UPF3A: variants seen among roughly 807,000 people sequenced by gnomAD.
UPF3A encodes the protein UPF3A regulator of nonsense mediated mRNA decay.
In UPF3A, 42 loss-of-function variants were observed where a neutral mutation model predicts 53.5. That is an observed-to-expected ratio of 0.78 (90% CI 0.61 to 1.01). The LOEUF (loss-of-function observed/expected upper bound fraction) is 1.01. Ranked by LOEUF, UPF3A falls within the 50% of genes least tolerant of loss-of-function variation. The probability of loss-of-function intolerance (pLI) is 0.00; values close to 1 mark genes in which losing one functional copy is unlikely to be tolerated. For synonymous variants in UPF3A, 237 were observed against 225.3 expected, an observed-to-expected ratio of 1.05 and a Z score of -0.47; for missense variants, 575 against 598.0, an observed-to-expected ratio of 0.96 and a Z score of 0.40.
In UPF3A at chr13:114,281,667, G is replaced by T; in HGVS notation, c.28G>T (p.Gly10Cys). 1 of 1,524,918 alleles carries T rather than the reference G, an allele frequency of 6.6e-7. No individual in the cohort carries two copies. The highest frequency in any genetic ancestry group is 8.8e-7 in the Non-Finnish European group (1 of 1,137,400). 94.5% of individuals were successfully genotyped at this position (1,524,918 alleles called of 1,614,324 possible). ...GCGCTCGGAAAAGGAGGGGGCCGGAGGCCTTCGGGCGGCCGTTGCCGCGCG... is the reference window on the plus strand; with the variant it reads ...GCGCTCGGAAAAGGAGGGGGCCGGATGCCTTCGGGCGGCCGTTGCCGCGCG... MRSEKEGAG[G>C]LRAAVAARGP... Residue 10 changes from glycine to cysteine, a missense_variant, in exon 1 of 10, where the codon GGC (glycine) becomes TGC (cysteine). By Grantham distance (159) the Gly-to-Cys change is radical. This residue lies in a region of UPF3A where 252 missense variants were observed against 182.7 expected (regional missense o/e 1.38). Coordinates refer to ENST00000375299, the MANE Select transcript of UPF3A (RefSeq NM_023011.4).
intron 5 of UPF3A, among the ~76,000 whole-genome samples, chr13:114,290,223 C>T (rs1175540370): frequency 2.0e-5 from 3 of 152,158 alleles, no homozygotes; most frequent in African/African-American, 2.4e-5. Context: ...CTGGGACAAT[C>T]GGCTCTTCCC....
At chr13:114,292,789 C>T (rs2085438711) in intron 7 of UPF3A, among the ~76,000 whole-genome samples, 1 of 152,108 alleles carries the variant, frequency 6.6e-6, no homozygotes, top group Admixed American at 6.5e-5. Flanking sequence ...CATTCTCCAC[C>T]CTCTACATTT....
At position 114,282,823 on chromosome 13, in the gene UPF3A, A is replaced by G; in HGVS notation, c.315-14A>G. On this transcript the variant is annotated splice_polypyrimidine_tract_variant and intron_variant, in intron 2 of 9. Transcript: ENST00000375299. ...TTTTTCACTGACCATTTTCACTGTTATCTCTTATTTCAGTCTTTATCCTCA... is the reference window on the plus strand; with the variant it reads ...TTTTTCACTGACCATTTTCACTGTTGTCTCTTATTTCAGTCTTTATCCTCA... The G allele has an allele frequency of 6.3e-7, 1 of 1,594,740 alleles. No individual in the cohort carries two copies. The highest frequency in any genetic ancestry group is 8.6e-7 in the Non-Finnish European group (1 of 1,166,544).
intron 5 of UPF3A, among the ~76,000 whole-genome samples, chr13:114,290,687 A>G (rs1045751092): frequency 1.3e-5 from 2 of 151,804 alleles, no homozygotes; most frequent in South Asian, 2.1e-4. Context: ...CTTTTCTGCA[A>G]TCAGCAGCGC....
rs188312916 is a variant in UPF3A at position 114,294,596 on chromosome 13, C to T, written c.846+2804C>T. Among the ~76,000 whole-genome samples the T allele has an allele frequency of 5.2e-3, 782 of 151,810 alleles. 6 individuals carry two copies. The highest frequency in any genetic ancestry group is 0.017 in the African/African-American group (711 of 41,420). Reference sequence around the variant, plus strand: ...AGAAATATGGTTTGGGAGGCCGAGGCGGGCGTATCACGAGGTCAGGAGATC... The same window carrying T: ...AGAAATATGGTTTGGGAGGCCGAGGTGGGCGTATCACGAGGTCAGGAGATC... On this transcript the variant is annotated intron_variant, in intron 7 of 9. Transcript: ENST00000375299.
At chr13:114,298,741 T>C (rs958254001) in intron 7 of UPF3A, 99 bp from the exon 8 acceptor site, 198 of 1,198,480 alleles carry the variant, frequency 1.7e-4, no homozygotes, top group Non-Finnish European at 2.1e-4. Context: ...GTGCAAACAT[T>C]TGGCTTCAAT....
At chr13:114,295,931 G>T (rs908673647) in intron 7 of UPF3A, among the ~76,000 whole-genome samples, 1 of 152,180 alleles carries the variant, frequency 6.6e-6, no homozygotes, top group Non-Finnish European at 1.5e-5. Context: ...GCTTCAGGAT[G>T]GGGACTAGTT....
intron 8 of UPF3A, among the ~76,000 whole-genome samples, chr13:114,301,512 C>A (rs2086603614): frequency 1.3e-5 from 2 of 151,660 alleles, no homozygotes; most frequent in African/African-American, 4.8e-5. Flanking sequence ...GCCTATCTGT[C>A]ACTCAACTGA....
At chr13:114,292,435 G>A (rs575861252) in intron 7 of UPF3A, among the ~76,000 whole-genome samples, 50 of 146,760 alleles carry the variant, frequency 3.4e-4, no homozygotes, top group Non-Finnish European at 7.2e-4. Flanking sequence ...TTCATTTTCG[G>A]TTCAAGGCGT....
At position 114,304,894 on chromosome 13, in the gene UPF3A, G is replaced by A. The variant is rs751861679; in HGVS notation, c.1408G>A (p.Glu470Lys). The change falls in exon 10 of 10, where the codon GAG becomes AAG. Residue 470 changes from glutamate to lysine, a missense_variant. By Grantham distance (56) the Glu-to-Lys change is moderately conservative. Transcript: ENST00000375299. ...GGCAGAAGGTTCGGGGACTGGTCCT[G>A]AGAAGAGGGAAGAGGCAGAGTGAGT... ...CKAEGSGTGP[E>K]KREEAE 58 of 1,613,530 alleles carry A rather than the reference G, an allele frequency of 3.6e-5. No individual in the cohort carries two copies. The highest frequency in any genetic ancestry group is 2.9e-4 in the South Asian group (26 of 91,020).
At chr13:114,304,726 G>T in intron 9 of UPF3A, 63 bp from the exon 10 acceptor site, 2 of 1,566,730 alleles carry the variant, frequency 1.3e-6, no homozygotes, top group Non-Finnish European at 1.7e-6. Flanking sequence ...GAAATATAGG[G>T]AGATATTGAC....
intron 3 of UPF3A, chr13:114,284,978 C>G (rs1383774673): frequency 1.3e-5 from 2 of 152,266 alleles, no homozygotes; most frequent in Non-Finnish European, 2.9e-5. Flanking sequence ...TGGCCTAAGC[C>G]TGTGCTTTTG....
At chr13:114,297,940 G>A (rs1202594834) in intron 7 of UPF3A, among the ~76,000 whole-genome samples, 6 of 152,064 alleles carry the variant, frequency 3.9e-5, no homozygotes, top group Admixed American at 2.6e-4. Flanking sequence ...CCCAGGAGAC[G>A]GAGGTTGCAG....
intron 5 of UPF3A, among the ~76,000 whole-genome samples, chr13:114,290,227 T>C (rs2085137604): frequency 6.6e-6 from 1 of 152,076 alleles, no homozygotes; most frequent in Non-Finnish European, 1.5e-5. Flanking sequence ...GACAATCGGC[T>C]CTTCCCTACA....
At chr13:114,292,622 G>T (rs960399384) in intron 7 of UPF3A, among the ~76,000 whole-genome samples, 1 of 149,522 alleles carries the variant, frequency 6.7e-6, no homozygotes, top group African/African-American at 2.6e-5. Flanking sequence ...AGGCGTACAC[G>T]TGCAGGTGTG....
chr13:114,296,461 C>G (rs1421097385), intron 7 of UPF3A, among the ~76,000 whole-genome samples: 1 of 152,128 alleles, frequency 6.6e-6, no homozygotes, highest in African/African-American at 2.4e-5. Context: ...CATGGAAGCT[C>G]CAAGTACCAC....
chr13:114,298,060 G>GGT (rs1010577106), intron 7 of UPF3A, among the ~76,000 whole-genome samples: 7 of 151,672 alleles, frequency 4.6e-5, no homozygotes, highest in Non-Finnish European at 8.8e-5. Flanking sequence ...TTTAGGTGGT[G>GGT]GTGTGTGTGT....
chr13:114,291,904 A>G, intron 7 of UPF3A, 112 bp downstream of exon 7: 1 of 1,307,918 alleles, frequency 7.6e-7, no homozygotes, highest in Non-Finnish European at 1.0e-6. Flanking sequence ...TTAATCTAAT[A>G]TTGTGTTGTT....
chr13:114,293,698 A>G (rs746098193), intron 7 of UPF3A, among the ~76,000 whole-genome samples: 2 of 152,188 alleles, frequency 1.3e-5, no homozygotes, highest in African/African-American at 2.4e-5. Flanking sequence ...AATACCTTAT[A>G]TTCAATAATA....
Sources: allele counts gnomAD v4.1 joint callset (sites outside exome capture counted in the v4.1 genomes callset), GRCh38; gene constraint gnomAD v4.1.1; regional missense constraint gnomAD v4.1.1; transcripts MANE v1.5; gene names NCBI Gene and HGNC (gene_info 2026-07-23, HGNC 2026-07-21).